ADIPOR1: variants seen among roughly 807,000 people sequenced by gnomAD.
ADIPOR1 encodes the protein adiponectin receptor protein 1.
ADIPOR1 carries 15 observed loss-of-function variants against 37.5 expected under a neutral mutation model. The ratio of observed to expected loss-of-function variants is 0.40; its 90% confidence interval spans 0.27 to 0.62. The LOEUF (loss-of-function observed/expected upper bound fraction) is 0.62. ADIPOR1 is among the 20% of genes least tolerant of loss of function. The probability of loss-of-function intolerance (pLI) is 0.42; values close to 1 mark genes in which losing one functional copy is unlikely to be tolerated. For missense variants in ADIPOR1, 286 were observed against 478.0 expected (o/e 0.60, Z 3.75); for synonymous variants, 173 against 173.2 (o/e 1.00, Z 0.01).
intron 1 of ADIPOR1, among the ~76,000 whole-genome samples, chr1:202,955,085 T>C (rs541918700): frequency 1.3e-5 from 2 of 152,150 alleles, no homozygotes; most frequent in Non-Finnish European, 2.9e-5. Context: ...GTTGGAGAAA[T>C]ATGAATCAAA....
At position 202,946,600 on chromosome 1, in the gene ADIPOR1, C is replaced by T; in HGVS notation, c.269G>A (p.Gly90Glu). 1 of 1,614,022 alleles carries T rather than the reference C, an allele frequency of 6.2e-7. No homozygotes were observed. The highest frequency in any genetic ancestry group is 8.5e-7 in the Non-Finnish European group (1 of 1,180,020). Residue 90 changes from glycine (G) to glutamate (E), a missense_variant, in exon 4 of 8, where the codon GGA becomes GAA. Physicochemically the swap from Gly to Glu is moderately conservative, Grantham distance 98. Transcript: ENST00000340990. ...MEEFVYKVWE[G>E]RWRVIPYDVL... ...ATCATATGGGATGACCCTCCAACGT[C>T]CCTCCCAGACCTAGAACATATACAC... is the stretch of plus-strand genomic sequence containing the variant.
At chr1:202,957,972 G>A (rs1405122713) in intron 1 of ADIPOR1, among the ~76,000 whole-genome samples, 1 of 152,218 alleles carries the variant, frequency 6.6e-6, no homozygotes, top group African/African-American at 2.4e-5. Flanking sequence ...CCGCCTCGGA[G>A]GCGGCGCGCA....
rs535485596 is a variant in ADIPOR1 at position 202,948,909 on chromosome 1, G to A, written c.142-489C>T. 5.4e-4 allele frequency among the ~76,000 whole-genome samples: 81 copies of A among 151,228 alleles called. 2 individuals carry two copies. The South Asian group carries it at 0.017, about 31-fold the overall frequency. Reference sequence around the variant, plus strand: ...CGGGTTCAAGCAATTCTCATGCCTCGGCCTCCAAGTAGCTGGGATTACAGG... The same window carrying A: ...CGGGTTCAAGCAATTCTCATGCCTCAGCCTCCAAGTAGCTGGGATTACAGG... On this transcript the variant is annotated intron_variant, in intron 2 of 7. Coordinates refer to ENST00000340990, the MANE Select transcript of ADIPOR1 (RefSeq NM_015999.6).
In ADIPOR1 at chr1:202,942,180, TG is replaced by T; in HGVS notation, c.843del (p.Thr282ProfsTer27). On this transcript the variant is annotated frameshift_variant, in exon 7 of 8. Transcript: ENST00000340990. LOFTEE classifies it high-confidence loss of function. ...FLGLGLSGVV[P>X]TMHFTIAEGF... Reference sequence around the variant, plus strand: ...CCCTCAGCGATAGTAAAGTGCATGGTGGGCACGACGCCACTCAAGCCAAGTC... The same window carrying T: ...CCCTCAGCGATAGTAAAGTGCATGGTGGCACGACGCCACTCAAGCCAAGTC... 1 of 1,614,082 alleles carries T rather than the reference TG, an allele frequency of 6.2e-7. No individual in the cohort carries two copies. Among genetic ancestry groups the T allele is most frequent in the Non-Finnish European group, 8.5e-7 (1 of 1,180,002 alleles).
At chr1:202,948,279 C>G in intron 3 of ADIPOR1, 25 bp downstream of exon 3, 1 of 1,559,766 alleles carries the variant, frequency 6.4e-7, no homozygotes, top group Non-Finnish European at 8.7e-7. Flanking sequence ...CTTCCCCTTC[C>G]AGGACAGAAG....
At chr1:202,942,936 G>A (rs1303808542) in intron 6 of ADIPOR1, among the ~76,000 whole-genome samples, 2 of 149,072 alleles carry the variant, frequency 1.3e-5, no homozygotes, top group Non-Finnish European at 3.0e-5. Context: ...CGTGATCTTG[G>A]CTCACTACAA....
At chr1:202,943,708 A>G (rs1307751498) in intron 6 of ADIPOR1, 50 bp downstream of exon 6, 2 of 1,565,004 alleles carry the variant, frequency 1.3e-6, no homozygotes, top group Non-Finnish European at 8.7e-7. Flanking sequence ...TGAGCCTATC[A>G]GGCCTAAGGT....
At position 202,943,750 on chromosome 1, in the gene ADIPOR1, C is replaced by T. The variant is rs766952010; in HGVS notation, c.805+8G>A. 1.0e-4 allele frequency: 161 copies of T among 1,612,090 alleles called. No homozygotes were observed. The highest frequency in any genetic ancestry group is 4.1e-4 in the Middle Eastern group (2 of 4,916). ...ACCTCTGAGGTGTACGTACATCTTCCGACCTACCTGCTCTTGTCTGCCGGT... is the reference window on the plus strand; with the variant it reads ...ACCTCTGAGGTGTACGTACATCTTCTGACCTACCTGCTCTTGTCTGCCGGT... On this transcript the variant is annotated splice_region_variant and intron_variant, in intron 6 of 7. Coordinates refer to ENST00000340990, the MANE Select transcript of ADIPOR1 (RefSeq NM_015999.6).
chr1:202,957,967 T>A (rs1654849979), intron 1 of ADIPOR1, among the ~76,000 whole-genome samples: 2 of 152,122 alleles, frequency 1.3e-5, no homozygotes, highest in South Asian at 4.1e-4. Context: ...CTAGGCCGCC[T>A]CGGAGGCGGC....
intron 1 of ADIPOR1, among the ~76,000 whole-genome samples, chr1:202,952,557 C>T (rs1187917453): frequency 1.3e-5 from 2 of 152,180 alleles, no homozygotes; most frequent in Non-Finnish European, 2.9e-5. Flanking sequence ...CTGTCTCTCC[C>T]CCTCCTTCCC....
intron 3 of ADIPOR1, among the ~76,000 whole-genome samples, chr1:202,947,377 C>G (rs1654376211): frequency 1.3e-5 from 2 of 151,862 alleles, no homozygotes. Context: ...CAAAAATAAG[C>G]CAGGCGTGGT....
At chr1:202,946,701 A>T in intron 3 of ADIPOR1, 91 bp from the exon 4 acceptor site, 2 of 1,367,400 alleles carry the variant, frequency 1.5e-6, no homozygotes, top group Non-Finnish European at 2.0e-6. Flanking sequence ...AGAAGATGTC[A>T]GTCAGGCTCT....
intron 1 of ADIPOR1, 23 bp from the exon 2 acceptor site, chr1:202,951,187 A>C: frequency 1.7e-6 from 2 of 1,190,336 alleles, no homozygotes; most frequent in South Asian, 1.5e-5. Context: ...ACAAACATGA[A>C]GGATTGACAA....
Position 202,948,333 on chromosome 1 carries a change from T to C in ADIPOR1, c.229A>G (p.Met77Val). 1 of 1,613,516 alleles carries C rather than the reference T, an allele frequency of 6.2e-7. No individual in the cohort carries two copies. Among genetic ancestry groups the C allele is most frequent in the South Asian group, 1.1e-5 (1 of 91,034 alleles). Residue 77 changes from methionine to valine, a missense_variant, in exon 3 of 8, where the codon ATG becomes GTG. Transcript: ENST00000340990. ...TACACAAACTCTTCCATCTTCTCCA[T>C]GGCGTGGTGGGCTTGCAGGGGAAGT... Reference protein sequence around the residue: ...LTLPLQAHHAMEKMEEFVYKV... With the variant: ...LTLPLQAHHAVEKMEEFVYKV...
At chr1:202,946,795 A>G (rs929166756) in intron 3 of ADIPOR1, among the ~76,000 whole-genome samples, 185 bp from the exon 4 acceptor site, 4 of 150,672 alleles carry the variant, frequency 2.7e-5, no homozygotes, top group African/African-American at 7.3e-5. Context: ...CAGAGTCCTG[A>G]CTCATATTTT....
intron 2 of ADIPOR1, among the ~76,000 whole-genome samples, chr1:202,949,618 C>A (rs548455043): frequency 6.7e-6 from 1 of 149,322 alleles, no homozygotes; most frequent in African/African-American, 2.4e-5. Flanking sequence ...AGAGCACTTG[C>A]CTGTGAAAGG....
chr1:202,943,688 C>T, intron 6 of ADIPOR1, 70 bp downstream of exon 6: 1 of 1,515,590 alleles, frequency 6.6e-7, no homozygotes, highest in East Asian at 2.3e-5. Context: ...CCTTAAGGCT[C>T]AAATAGGTTT....
intron 2 of ADIPOR1, among the ~76,000 whole-genome samples, chr1:202,948,885 G>A (rs759374560): frequency 2.6e-5 from 4 of 151,530 alleles, no homozygotes; most frequent in East Asian, 1.9e-4. Flanking sequence ...TCCGCCTCCC[G>A]GGTTCAAGCA....
intron 6 of ADIPOR1, among the ~76,000 whole-genome samples, chr1:202,943,223 G>A (rs1654171113): frequency 6.6e-6 from 1 of 152,162 alleles, no homozygotes; most frequent in African/African-American, 2.4e-5. Flanking sequence ...ATTGTAAAGG[G>A]ACTAAAGACT....
Sources: allele counts gnomAD v4.1 joint callset (sites outside exome capture counted in the v4.1 genomes callset), GRCh38; gene constraint gnomAD v4.1.1; transcripts MANE v1.5; gene names NCBI Gene and HGNC (gene_info 2026-07-23, HGNC 2026-07-21).